NTM: variants seen among roughly 807,000 people sequenced by gnomAD.
NTM encodes neurotrimin, also known as IgLON family member 2.
Under a neutral mutation model 42.1 loss-of-function variants are expected in NTM, and 13 were observed. The ratio of observed to expected loss-of-function variants is 0.31; its 90% CI spans 0.20 to 0.49. The LOEUF (loss-of-function observed/expected upper bound fraction) is 0.49, where lower values mean the gene tolerates loss of function less well. Ranked by LOEUF, NTM falls within the 20% of genes least tolerant of loss-of-function variation. The pLI is 0.99. For synonymous variants in NTM, 187 were observed against 179.2 expected, an observed-to-expected ratio of 1.04 and a Z score of -0.35; for missense variants, 373 against 452.8, an observed-to-expected ratio of 0.82 and a Z score of 1.60.
At chr11:132,217,850 T>G (rs1334108983) in intron 4 of NTM, among the ~76,000 whole-genome samples, 1 of 152,078 alleles carries the variant, frequency 6.6e-6, no homozygotes, top group Non-Finnish European at 1.5e-5. Flanking sequence ...CCCTGAGCCC[T>G]GTGCTCCCCC....
At chr11:131,414,284 G>T (rs1453355103) in intron 1 of NTM, among the ~76,000 whole-genome samples, 1 of 152,152 alleles carries the variant, frequency 6.6e-6, no homozygotes, top group Non-Finnish European at 1.5e-5. Flanking sequence ...TTGAGCAGAG[G>T]CTGGAGAGCT....
intron 1 of NTM, among the ~76,000 whole-genome samples, chr11:131,373,995 G>A (rs1941596964): frequency 6.6e-6 from 1 of 152,218 alleles, no homozygotes; most frequent in Non-Finnish European, 1.5e-5. Flanking sequence ...CAGTACACAC[G>A]TGGTGCCAGC....
chr11:131,620,424 TCTC>T (rs2062406917), intron 1 of NTM, among the ~76,000 whole-genome samples: 1 of 152,162 alleles, frequency 6.6e-6, no homozygotes, highest in Non-Finnish European at 1.5e-5. Flanking sequence ...CCCACTTATA[TCTC>T]CCAGTGACTT....
At chr11:132,310,996 A>C (rs2095263093) in intron 6 of NTM, among the ~76,000 whole-genome samples, 1 of 152,162 alleles carries the variant, frequency 6.6e-6, no homozygotes, top group Admixed American at 6.6e-5. Context: ...TCATTGAAAA[A>C]GAGGTGGTGG....
intron 1 of NTM, among the ~76,000 whole-genome samples, chr11:131,747,808 A>G (rs919480067): frequency 6.6e-6 from 1 of 152,136 alleles, no homozygotes; most frequent in Admixed American, 6.5e-5. Flanking sequence ...TGCCATTGAC[A>G]TTGTATTGTC....
chr11:132,058,255 G>T (rs1001430433), intron 2 of NTM, among the ~76,000 whole-genome samples: 1 of 152,142 alleles, frequency 6.6e-6, no homozygotes, highest in Non-Finnish European at 1.5e-5. Context: ...GGAAGTGGGC[G>T]GGAGGTGCTG....
chr11:131,676,692 CT>C (rs1339282028), intron 1 of NTM, among the ~76,000 whole-genome samples: 1 of 152,164 alleles, frequency 6.6e-6, no homozygotes, highest in African/African-American at 2.4e-5. Context: ...GCCTGGTGCA[CT>C]TTTTCTTCGT....
rs866241173 is a variant in NTM at position 132,212,259 on chromosome 11, T to C, written c.526+112T>C. 3 of 780,108 alleles carry C rather than the reference T, an allele frequency of 3.8e-6. No individual in the cohort carries two copies. In the Middle Eastern group the frequency reaches 7.5e-4, roughly 195 times the overall value. The allele number at this position is 780,108 out of a possible 1,614,324, so 48.3% of individuals were successfully genotyped here. A position where few individuals can be genotyped will look rare whatever the true frequency, so the allele number is the denominator to read the frequency against. ...ACTCCAGAGGAGTCTACGTTTTTGG[T>C]GGCTTGATGGTAATCTACTCATGGC... is the stretch of plus-strand genomic sequence containing the variant. On this transcript the variant is annotated intron_variant, in intron 4 of 8. Coordinates refer to ENST00000683400, the MANE Select transcript of NTM (RefSeq NM_001352005.2).
intron 1 of NTM, among the ~76,000 whole-genome samples, chr11:131,873,447 G>T (rs1231610869): frequency 6.6e-6 from 1 of 151,282 alleles, no homozygotes; most frequent in East Asian, 2.0e-4. Context: ...GTTGATGGGT[G>T]CAGCAAATCA....
chr11:131,710,848 C>A (rs1008767779), intron 1 of NTM, among the ~76,000 whole-genome samples: 1 of 152,168 alleles, frequency 6.6e-6, no homozygotes, highest in Non-Finnish European at 1.5e-5. Flanking sequence ...AGAAGGATCA[C>A]ACCTCATGCC....
chr11:131,502,289 C>G (rs1238109050), intron 1 of NTM, among the ~76,000 whole-genome samples: 1 of 152,026 alleles, frequency 6.6e-6, no homozygotes, highest in African/African-American at 2.4e-5. Context: ...GAGAGAGAGT[C>G]CTTGCTGCTT....
At position 132,024,866 on chromosome 11, in the gene NTM, C is replaced by T. The variant is rs115478787; in HGVS notation, c.167+113218C>T. Reference sequence around the variant, plus strand: ...CTCTGTGGAGGTTAGGAACACACACCGACTACAGGCACTGAGTGTCAGGAT... The same window carrying T: ...CTCTGTGGAGGTTAGGAACACACACTGACTACAGGCACTGAGTGTCAGGAT... On this transcript the variant is annotated intron_variant, in intron 2 of 8. Coordinates refer to ENST00000683400, the MANE Select transcript of NTM (RefSeq NM_001352005.2). Among the ~76,000 whole-genome samples, 591 of 152,260 alleles carry T rather than the reference C, an allele frequency of 3.9e-3. 4 individuals carry two copies. Among genetic ancestry groups the T allele is most frequent in the African/African-American group, 0.014 (569 of 41,524 alleles).
intron 4 of NTM, among the ~76,000 whole-genome samples, chr11:132,240,341 G>C (rs1473785522): frequency 6.6e-6 from 1 of 152,134 alleles, no homozygotes; most frequent in Non-Finnish European, 1.5e-5. Flanking sequence ...TTGAACCATA[G>C]ATAAAAGACA....
At chr11:132,069,576 C>G (rs1362174671) in intron 2 of NTM, among the ~76,000 whole-genome samples, 1 of 150,954 alleles carries the variant, frequency 6.6e-6, no homozygotes, top group Non-Finnish European at 1.5e-5. Flanking sequence ...CTGACCGTCA[C>G]AGGTTAGTTA....
intron 1 of NTM, among the ~76,000 whole-genome samples, chr11:131,562,968 G>C (rs1467686835): frequency 2.0e-5 from 3 of 152,118 alleles, no homozygotes; most frequent in East Asian, 1.9e-4. Flanking sequence ...TGGCCCCAGG[G>C]GGAGAAGATG....
At chr11:132,320,626 C>A (rs868165329) in intron 7 of NTM, among the ~76,000 whole-genome samples, 79 of 152,320 alleles carry the variant, frequency 5.2e-4, no homozygotes, top group African/African-American at 1.6e-3. Flanking sequence ...CCCAGGCTTG[C>A]TTAGGTAAAC....
chr11:132,296,210 TG>T lies in NTM; in HGVS notation c.527-11477del, dbSNP rs1486028251. ...GGCATTTCACAGGCAGTTATGGGCC[TG>T]GAGCTCAGCAGGTCCTCCAGGACGG... On this transcript the variant is annotated intron_variant, in intron 4 of 8. Coordinates refer to ENST00000683400, the MANE Select transcript of NTM (RefSeq NM_001352005.2). Among the ~76,000 whole-genome samples, 4 of 152,280 alleles carry T rather than the reference TG, an allele frequency of 2.6e-5. No homozygotes were observed. The South Asian group carries it at 6.2e-4, about 24-fold the overall frequency.
At chr11:132,086,901 G>T (rs533819397) in intron 2 of NTM, among the ~76,000 whole-genome samples, 2 of 152,278 alleles carry the variant, frequency 1.3e-5, no homozygotes, top group African/African-American at 4.8e-5. Flanking sequence ...TGAGGGGAGT[G>T]TCCTATAGTA....
chr11:131,495,014 A>G (rs943314579), intron 1 of NTM, among the ~76,000 whole-genome samples: 2 of 152,200 alleles, frequency 1.3e-5, no homozygotes, highest in African/African-American at 4.8e-5. Flanking sequence ...GGGTATTTGG[A>G]GGAAATTTGG....
Sources: gnomAD v4.1 joint callset for allele counts (sites outside exome capture counted in the v4.1 genomes callset) on GRCh38, gnomAD v4.1.1 for gene constraint, MANE v1.5 for transcripts, NCBI Gene and HGNC (gene_info 2026-07-23, HGNC 2026-07-21) for gene names.